Variants in RPS6KA5 observed in about 807,000 individuals in gnomAD.
The protein encoded by RPS6KA5 is ribosomal protein S6 kinase alpha-5.
Under a neutral mutation model 85.5 loss-of-function variants are expected in RPS6KA5, and 27 were observed. The ratio of observed to expected loss-of-function variants is 0.32; its 90% CI spans 0.23 to 0.44. RPS6KA5 has a LOEUF of 0.44. RPS6KA5 is among the 20% of genes least tolerant of loss of function. The pLI is 1.00. For missense variants in RPS6KA5, 811 were observed against 980.9 expected, an observed-to-expected ratio of 0.83 and a Z score of 2.31; for synonymous variants, 334 against 348.2, an observed-to-expected ratio of 0.96 and a Z score of 0.46.
At chr14:91,007,329 T>C (rs1026055440) in intron 1 of RPS6KA5, among the ~76,000 whole-genome samples, 1 of 152,200 alleles carries the variant, frequency 6.6e-6, no homozygotes, top group Admixed American at 6.5e-5. Flanking sequence ...AATCAACTGG[T>C]ACACAGGAGT....
chr14:90,926,600 ATC>A (rs1330774221), intron 5 of RPS6KA5, among the ~76,000 whole-genome samples: 1 of 151,440 alleles, frequency 6.6e-6, no homozygotes, highest in Non-Finnish European at 1.5e-5. Flanking sequence ...TTGTTTTTGA[ATC>A]TGTTTTACTT....
At position 90,872,017 on chromosome 14, in the gene RPS6KA5, C is replaced by A; in HGVS notation, c.*57G>T. 1 of 1,544,086 alleles carries A rather than the reference C, an allele frequency of 6.5e-7. No homozygotes were observed. The highest frequency in any genetic ancestry group is 8.7e-7 in the Non-Finnish European group (1 of 1,148,330). ...TTTTTAAAAGCATAAAAGATCGCCT[C>A]AGGCATATGCTGAGGGAATAAAGGT... On this transcript the variant is annotated 3_prime_UTR_variant, in exon 17 of 17. Coordinates refer to ENST00000614987, the MANE Select transcript of RPS6KA5 (RefSeq NM_004755.4).
intron 3 of RPS6KA5, among the ~76,000 whole-genome samples, chr14:90,966,058 G>C (rs2140436854): frequency 6.6e-6 from 1 of 152,272 alleles, no homozygotes; most frequent in East Asian, 1.9e-4. Context: ...GCATGGTATT[G>C]AACTGGTTAT....
chr14:91,017,882 T>C (rs1162969773), intron 1 of RPS6KA5, among the ~76,000 whole-genome samples: 3 of 152,190 alleles, frequency 2.0e-5, no homozygotes, highest in Non-Finnish European at 4.4e-5. Context: ...CCTTATGCCT[T>C]TGTATCACCA....
intron 4 of RPS6KA5, among the ~76,000 whole-genome samples, chr14:90,946,151 T>C (rs1246450216): frequency 2.0e-5 from 3 of 152,182 alleles, no homozygotes; most frequent in Admixed American, 2.0e-4. Flanking sequence ...TTAACTATCT[T>C]ATATCCCACA....
At chr14:91,020,630 GTGTGTGTGTGTGTGTGTGTGTT>G (rs2041723079) in intron 1 of RPS6KA5, among the ~76,000 whole-genome samples, 1 of 147,694 alleles carries the variant, frequency 6.8e-6, no homozygotes, top group African/African-American at 2.5e-5. Context: ...GTGTGTGTGT[GTGTGTGTGTGTGTGTGTGTGTT>G]TATATGTGTA....
At chr14:90,976,896 T>G (rs1048197573) in intron 3 of RPS6KA5, among the ~76,000 whole-genome samples, 1 of 152,144 alleles carries the variant, frequency 6.6e-6, no homozygotes, top group Admixed American at 6.5e-5. Flanking sequence ...TAATTTCTAA[T>G]ATAAAAGCAC....
At chr14:91,058,109 A>C (rs940506794) in intron 1 of RPS6KA5, among the ~76,000 whole-genome samples, 1 of 152,216 alleles carries the variant, frequency 6.6e-6, no homozygotes, top group Non-Finnish European at 1.5e-5. Context: ...CCTATTATAG[A>C]TCATGTGCTG....
intron 3 of RPS6KA5, among the ~76,000 whole-genome samples, chr14:90,952,014 T>C (rs1053775570): frequency 2.2e-4 from 34 of 152,176 alleles, no homozygotes; most frequent in African/African-American, 5.1e-4. Flanking sequence ...ATTGGCATTA[T>C]GATAATTCTT....
chr14:91,049,059 C>T (rs2042971100), intron 1 of RPS6KA5, among the ~76,000 whole-genome samples: 1 of 152,158 alleles, frequency 6.6e-6, no homozygotes, highest in Non-Finnish European at 1.5e-5. Context: ...CTACAGACTA[C>T]AAATACAAAC....
At chr14:90,897,157 TAG>T (rs2034887001) in intron 12 of RPS6KA5, among the ~76,000 whole-genome samples, 1 of 152,190 alleles carries the variant, frequency 6.6e-6, no homozygotes, top group South Asian at 2.1e-4. Flanking sequence ...CAGTTCACAA[TAG>T]AGTTTGTACT....
At chr14:90,917,966 C>A (rs2036210205) in intron 7 of RPS6KA5, among the ~76,000 whole-genome samples, 1 of 152,154 alleles carries the variant, frequency 6.6e-6, no homozygotes, top group African/African-American at 2.4e-5. Flanking sequence ...TTCCAGTTTT[C>A]AGTTATTACA....
intron 1 of RPS6KA5, among the ~76,000 whole-genome samples, chr14:91,008,019 A>C (rs2041101922): frequency 6.6e-6 from 1 of 152,178 alleles, no homozygotes. Flanking sequence ...AAGCAATGCT[A>C]TTGTAAGTAT....
Position 90,868,112 on chromosome 14 carries a change from C to A in RPS6KA5, c.*3962G>T, listed in dbSNP as rs140032634. On this transcript the variant is annotated 3_prime_UTR_variant, in exon 17 of 17. Transcript: ENST00000614987. The stretch of plus-strand genomic sequence containing the variant: ...AAAATATTTTCTCTAAAGAATGTCA[C>A]AATTTGGAGTGAAGTTACTTAACAA... The A allele has an allele frequency of 1.3e-5, 2 of 152,166 alleles. No individual in the cohort carries two copies. Among genetic ancestry groups the A allele is most frequent in the Admixed American group, 6.5e-5 (1 of 15,272 alleles). 9.4% of individuals were successfully genotyped at this position (152,166 alleles called of 1,614,324 possible).
chr14:91,028,238 T>C lies in RPS6KA5; in HGVS notation c.104-27079A>G, dbSNP rs527330944. Among the ~76,000 whole-genome samples, 330 of 146,728 alleles carry C rather than the reference T, an allele frequency of 2.2e-3. 3 individuals carry two copies. The highest frequency in any genetic ancestry group is 3.6e-3 in the Non-Finnish European group (242 of 66,522). ...ACCCTTACAAAGAAAATTTACATGA[T>C]TTTTTTTTTTAGACAGAGTCTTGCA... On this transcript the variant is annotated intron_variant, in intron 1 of 16. Coordinates refer to ENST00000614987, the MANE Select transcript of RPS6KA5 (RefSeq NM_004755.4).
Position 91,048,711 on chromosome 14 carries a change from C to T in RPS6KA5, c.103+11621G>A, listed in dbSNP as rs141841382. Among the ~76,000 whole-genome samples the T allele has an allele frequency of 7.6e-3, 1,153 of 152,192 alleles. 10 individuals are homozygous for T. The highest frequency in any genetic ancestry group is 0.027 in the Middle Eastern group (8 of 294). ...CAAGATGAATGTAGGAGTGATCATA[C>T]CTTTGAGGTGCACAGAGAGATCTGT... On this transcript the variant is annotated intron_variant, in intron 1 of 16. Transcript: ENST00000614987.
chr14:90,941,847 C>G (rs375340663), intron 5 of RPS6KA5, among the ~76,000 whole-genome samples: 1 of 152,028 alleles, frequency 6.6e-6, no homozygotes. Flanking sequence ...TCCTTTTATC[C>G]TTGTGGGATT....
At chr14:90,949,107 A>AAAAAG (rs2140374801) in intron 3 of RPS6KA5, among the ~76,000 whole-genome samples, 1 of 152,332 alleles carries the variant, frequency 6.6e-6, no homozygotes, top group South Asian at 2.1e-4. Context: ...GCTAATTATT[A>AAAAAG]AAAAGGTGTA....
In RPS6KA5 at chr14:90,854,306, A is replaced by G. The variant is rs1388427850; in HGVS notation, c.*17768T>C. ...CCAGATTTAGAACAAAACTTACTGT[A>G]GCCATTATAATCTGCTAACGTTTGA... is the stretch of plus-strand genomic sequence containing the variant. On this transcript the variant is annotated 3_prime_UTR_variant, in exon 17 of 17. Transcript: ENST00000614987. 6.6e-6 allele frequency: 1 copy of G among 152,216 alleles called. No individual in the cohort carries two copies. The highest frequency in any genetic ancestry group is 1.5e-5 in the Non-Finnish European group (1 of 68,030). 9.4% of individuals were successfully genotyped at this position (152,216 alleles called of 1,614,324 possible). A position where few individuals can be genotyped will look rare whatever the true frequency, so the allele number is the denominator to read the frequency against.
Sources: gnomAD v4.1 joint callset for allele counts (sites outside exome capture counted in the v4.1 genomes callset) on GRCh38, gnomAD v4.1.1 for gene constraint, MANE v1.5 for transcripts, NCBI Gene and HGNC (gene_info 2026-07-23, HGNC 2026-07-21) for gene names.